The following ASCC3 variants were observed in gnomAD, a reference collection of about 807,000 sequenced individuals.
The protein encoded by ASCC3 is activating signal cointegrator 1 complex subunit 3, also known as ASC-1 complex subunit P200.
In ASCC3, 158 loss-of-function variants were observed where a neutral mutation model predicts 256.3. The observed-to-expected ratio is 0.62, with a 90% CI of 0.54 to 0.70. ASCC3 has a LOEUF of 0.70. ASCC3 is among the 30% of genes least tolerant of loss of function. The pLI, the probability that ASCC3 is intolerant of heterozygous loss-of-function variation, is 0.00. For synonymous variants in ASCC3, 948 were observed against 883.4 expected, an observed-to-expected ratio of 1.07 and a Z score of -1.30; for missense variants, 2,259 against 2,626.0, an observed-to-expected ratio of 0.86 and a Z score of 3.05.
intron 25 of ASCC3, among the ~76,000 whole-genome samples, chr6:100,631,691 G>A (rs1413154564): frequency 6.6e-6 from 1 of 151,756 alleles, no homozygotes; most frequent in African/African-American, 2.4e-5. Flanking sequence ...ATAAACTATT[G>A]TTTAAATTTT....
intron 36 of ASCC3, among the ~76,000 whole-genome samples, chr6:100,540,749 AGTGTTGAAT>A (rs2114664192): frequency 6.6e-6 from 1 of 152,288 alleles, no homozygotes; most frequent in East Asian, 1.9e-4. Flanking sequence ...AAAAGTACAG[AGTGTTGAAT>A]GGCAATTCAG....
At chr6:100,581,395 C>CA (rs1771249785) in intron 36 of ASCC3, among the ~76,000 whole-genome samples, 2 of 152,100 alleles carry the variant, frequency 1.3e-5, no homozygotes, top group Non-Finnish European at 2.9e-5. Flanking sequence ...TGAGAAGTGT[C>CA]TGTTCATGTC....
At chr6:100,561,716 T>A (rs1026526413) in intron 36 of ASCC3, among the ~76,000 whole-genome samples, 29 of 152,158 alleles carry the variant, frequency 1.9e-4, no homozygotes, top group African/African-American at 7.0e-4. Flanking sequence ...GCTCAGTCAC[T>A]GATTCTGAGC....
At chr6:100,706,609 T>C (rs936658298) in intron 13 of ASCC3, among the ~76,000 whole-genome samples, 1 of 151,988 alleles carries the variant, frequency 6.6e-6, no homozygotes, top group Non-Finnish European at 1.5e-5. Context: ...TTAACAGTCG[T>C]GCTTTCCAAG....
intron 3 of ASCC3, among the ~76,000 whole-genome samples, chr6:100,855,438 T>A (rs1262610574): frequency 6.6e-6 from 1 of 152,252 alleles, no homozygotes; most frequent in Non-Finnish European, 1.5e-5. Context: ...TGTTTACAAT[T>A]GTTTAGCTAT....
intron 36 of ASCC3, among the ~76,000 whole-genome samples, chr6:100,541,862 GACA>G (rs983887106): frequency 6.6e-6 from 1 of 152,106 alleles, no homozygotes; most frequent in African/African-American, 2.4e-5. Flanking sequence ...AAAAGTTACT[GACA>G]ACTACTCAAT....
At chr6:100,609,693 T>C (rs1487983591) in intron 30 of ASCC3, among the ~76,000 whole-genome samples, 2 of 152,022 alleles carry the variant, frequency 1.3e-5, no homozygotes, top group East Asian at 3.9e-4. Context: ...CATGTAAGGT[T>C]TGAGGTCAGG....
At chr6:100,697,374 G>A (rs1405072954) in intron 13 of ASCC3, among the ~76,000 whole-genome samples, 2 of 151,326 alleles carry the variant, frequency 1.3e-5, no homozygotes, top group African/African-American at 4.9e-5. Flanking sequence ...GAAATGGATG[G>A]AAAAGTTGGT....
intron 36 of ASCC3, among the ~76,000 whole-genome samples, chr6:100,569,714 T>C (rs1408075546): frequency 1.3e-5 from 2 of 152,196 alleles, no homozygotes; most frequent in Non-Finnish European, 2.9e-5. Flanking sequence ...AGTCAGGTAA[T>C]GTGATGACTC....
At chr6:100,568,789 A>T (rs541746200) in intron 36 of ASCC3, among the ~76,000 whole-genome samples, 2,312 of 127,108 alleles carry the variant, frequency 0.018, 62 homozygotes, top group African/African-American at 0.066. Flanking sequence ...TATTATTATT[A>T]TTTTTTGAGA....
At chr6:100,736,174 G>C (rs1208143920) in intron 10 of ASCC3, among the ~76,000 whole-genome samples, 4 of 152,152 alleles carry the variant, frequency 2.6e-5, no homozygotes, top group African/African-American at 9.7e-5. Flanking sequence ...TGTCTAATGA[G>C]GAAAACAGAA....
At chr6:100,544,494 T>A (rs929186646) in intron 36 of ASCC3, among the ~76,000 whole-genome samples, 2 of 151,562 alleles carry the variant, frequency 1.3e-5, no homozygotes, top group Admixed American at 1.3e-4. Context: ...TAACTACAGG[T>A]TTTACAGATA....
chr6:100,868,103 A>C, intron 1 of ASCC3, 65 bp from the exon 2 acceptor site: 1 of 903,534 alleles, frequency 1.1e-6, no homozygotes, highest in South Asian at 1.4e-5. Context: ...AAACTCAACA[A>C]ATTAGCTTGT....
rs553025326 is a variant in ASCC3 at position 100,836,541 on chromosome 6, G to A, written c.801+11607C>T. 3.9e-5 allele frequency among the ~76,000 whole-genome samples: 6 copies of A among 152,130 alleles called. No homozygotes were observed. In the South Asian group the frequency reaches 1.0e-3, roughly 26 times the overall value. On this transcript the variant is annotated intron_variant, in intron 4 of 41. Transcript: ENST00000369162. ...TCATTCTATTCATGTGATATATTAT[G>A]TTTATTTATTTGCATATTTTGTACC... is the stretch of plus-strand genomic sequence containing the variant.
At chr6:100,744,829 T>C (rs1223063269) in intron 10 of ASCC3, among the ~76,000 whole-genome samples, 1 of 152,238 alleles carries the variant, frequency 6.6e-6, no homozygotes, top group Non-Finnish European at 1.5e-5. Flanking sequence ...CCTAGGAAGC[T>C]AGAAGCAGAG....
chr6:100,738,025 T>C (rs776877605), intron 10 of ASCC3, among the ~76,000 whole-genome samples: 5 of 152,212 alleles, frequency 3.3e-5, no homozygotes, highest in Non-Finnish European at 4.4e-5. Context: ...ATGTCTTCTC[T>C]GGAGAAGTGT....
rs182969625 is a variant in ASCC3 at position 100,858,926 on chromosome 6, C to T, written c.241+5138G>A. The T allele has an allele frequency of 5.2e-6, 3 of 582,048 alleles. No homozygotes were observed. The East Asian group carries it at 8.7e-5, about 17-fold the overall frequency. 36.1% of individuals were successfully genotyped at this position (582,048 alleles called of 1,614,324 possible). On this transcript the variant is annotated intron_variant, in intron 3 of 41. Coordinates refer to ENST00000369162, the MANE Select transcript of ASCC3 (RefSeq NM_006828.4). The stretch of plus-strand genomic sequence containing the variant: ...CATTTTGATTATTATATGCCTTTAA[C>T]CTCTTTTAATCTACAATAGTACTCT...
chr6:100,516,427 T>C, intron 38 of ASCC3, 100 bp from the exon 39 acceptor site: 1 of 1,414,410 alleles, frequency 7.1e-7, no homozygotes, highest in Non-Finnish European at 9.7e-7. Context: ...TTTGTTTTAA[T>C]TAAGAAATAA....
chr6:100,812,971 AAG>A (rs1347566226), intron 4 of ASCC3, among the ~76,000 whole-genome samples: 1 of 150,880 alleles, frequency 6.6e-6, no homozygotes, highest in African/African-American at 2.4e-5. Context: ...GACAGATAGA[AAG>A]ACAGATAGAT....
Sources: allele counts gnomAD v4.1 joint callset (sites outside exome capture counted in the v4.1 genomes callset), GRCh38; gene constraint gnomAD v4.1.1; transcripts MANE v1.5; gene names NCBI Gene and HGNC (gene_info 2026-07-23, HGNC 2026-07-21).